SLC6A20: variants seen among roughly 807,000 people sequenced by gnomAD.
SLC6A20 encodes the protein solute carrier family 6 member 20, also known as sodium- and chloride-dependent transporter XTRP3.
Under a neutral mutation model 64.3 loss-of-function variants are expected in SLC6A20, and 73 were observed. The observed-to-expected ratio is 1.14, with a 90% CI of 0.94 to 1.38. The LOEUF (loss-of-function observed/expected upper bound fraction) is 1.38. Ranked by LOEUF, SLC6A20 falls within the 40% of genes most tolerant of loss-of-function variation. The pLI is 0.00. For synonymous variants in SLC6A20, 347 were observed against 329.6 expected (o/e 1.05, Z -0.57); for missense variants, 725 against 772.8 (o/e 0.94, Z 0.73).
chr3:45,788,839 T>C (rs1700207021), intron 1 of SLC6A20, among the ~76,000 whole-genome samples: 1 of 152,216 alleles, frequency 6.6e-6, no homozygotes, highest in African/African-American at 2.4e-5. Flanking sequence ...ATGAACTGCA[T>C]CCAACCAGTG....
At chr3:45,791,743 A>G (rs1484127052) in intron 1 of SLC6A20, 2 of 152,720 alleles carry the variant, frequency 1.3e-5, no homozygotes, top group Non-Finnish European at 2.9e-5. Context: ...AGCAGGAGGA[A>G]GAGAGAGAGT....
intron 1 of SLC6A20, among the ~76,000 whole-genome samples, chr3:45,792,011 A>G (rs1490963751): frequency 6.6e-6 from 1 of 152,228 alleles, no homozygotes; most frequent in African/African-American, 2.4e-5. Flanking sequence ...GAGAGGATGA[A>G]GAGCACACTG....
intron 1 of SLC6A20, among the ~76,000 whole-genome samples, chr3:45,791,137 C>T (rs1336013925): frequency 6.6e-6 from 1 of 152,186 alleles, no homozygotes; most frequent in East Asian, 1.9e-4. Flanking sequence ...GCTTGGTCCA[C>T]CCCCAACCCC....
rs374599715 is a variant in SLC6A20, at chr3:45,796,326, G to T, written c.94C>A (p.Pro32Thr). 80 of 1,612,044 alleles carry T rather than the reference G, an allele frequency of 5.0e-5. No homozygotes were observed. Among genetic ancestry groups the T allele is most frequent in the Non-Finnish European group, 6.5e-5 (77 of 1,179,346 alleles). Residue 32 changes from proline (P) to threonine (T), a missense_variant, in exon 1 of 11, where the codon CCG (proline) becomes ACG (threonine). Pro to Thr is a conservative substitution (Grantham distance 38, BLOSUM62 -1). Coordinates refer to ENST00000358525, the MANE Select transcript of SLC6A20 (RefSeq NM_020208.4). Reference sequence around the variant, plus strand: ...CCGCCGTACATCTGGCACAGGTACGGGAATCGCCACACGTTGCCCAGGCCC... The same window carrying T: ...CCGCCGTACATCTGGCACAGGTACGTGAATCGCCACACGTTGCCCAGGCCC... ...AVGLGNVWRF[P>T]YLCQMYGGGS...
At chr3:45,777,076 G>C (rs974067403) in intron 3 of SLC6A20, among the ~76,000 whole-genome samples, 2 of 152,176 alleles carry the variant, frequency 1.3e-5, no homozygotes, top group Non-Finnish European at 1.5e-5. Flanking sequence ...GCCCCACATT[G>C]ATCAGTTTTG....
rs1004590753 is a variant in SLC6A20, at chr3:45,773,382, G to A, written c.583-767C>T. On this transcript the variant is annotated intron_variant, in intron 4 of 10. Coordinates refer to ENST00000358525, the MANE Select transcript of SLC6A20 (RefSeq NM_020208.4). ...GTCAACCAGATCTTCTTTCTCCACCGACATGCATCGTAAGTTCAATGATGT... is the reference window on the plus strand; with the variant it reads ...GTCAACCAGATCTTCTTTCTCCACCAACATGCATCGTAAGTTCAATGATGT... Among the ~76,000 whole-genome samples, 14 of 152,282 alleles carry A rather than the reference G, an allele frequency of 9.2e-5. No individual in the cohort carries two copies. The Middle Eastern group carries it at 0.01, about 111-fold the overall frequency.
chr3:45,783,617 C>T (rs998781395), intron 1 of SLC6A20, among the ~76,000 whole-genome samples: 1 of 152,248 alleles, frequency 6.6e-6, no homozygotes, highest in Non-Finnish European at 1.5e-5. Flanking sequence ...GCCTGGTCCA[C>T]TTGTTTGTGT....
intron 7 of SLC6A20, among the ~76,000 whole-genome samples, chr3:45,768,908 C>G (rs1699816178): frequency 6.6e-6 from 1 of 151,976 alleles, no homozygotes; most frequent in Admixed American, 6.5e-5. Flanking sequence ...GCTAGAAGTC[C>G]TAGTGAATAC....
At chr3:45,781,584 G>A (rs749301062) in intron 2 of SLC6A20, among the ~76,000 whole-genome samples, 5 of 152,182 alleles carry the variant, frequency 3.3e-5, no homozygotes, top group Non-Finnish European at 7.3e-5. Context: ...GTCCGTGCGG[G>A]CCTCAGCTTC....
Position 45,765,541 on chromosome 3 carries a change from G to T in SLC6A20, c.1299C>A (p.Ile433=), listed in dbSNP as rs748221953. The T allele has an allele frequency of 2.9e-5, 46 of 1,612,390 alleles. 1 individual carries two copies. In the Middle Eastern group the frequency reaches 1.4e-3, roughly 48 times the overall value. Residue 433 remains isoleucine (I), a synonymous_variant, in exon 8 of 11, where the codon ATC becomes ATA. Transcript: ENST00000358525. This position sits in a 1 kb window ranked among gnomAD's most constrained non-coding sequence, Gnocchi z 4.2. ...CCACTGGCTGGCCCCGCTGACCTGA[G>T]ATGGCCTCCTTGGGCAGGTGGCTGG... ...IISSHLPKEA[I]SGLVCLVNCA...
intron 9 of SLC6A20, 21 bp from the exon 10 acceptor site, chr3:45,760,043 G>C: frequency 6.2e-7 from 1 of 1,601,160 alleles, no homozygotes; most frequent in Non-Finnish European, 8.5e-7. Context: ...AACAGGGAGA[G>C]AAAGTCTGGA....
At chr3:45,788,033 C>G (rs1700197645) in intron 1 of SLC6A20, among the ~76,000 whole-genome samples, 1 of 152,116 alleles carries the variant, frequency 6.6e-6, no homozygotes, top group African/African-American at 2.4e-5. Flanking sequence ...GCAGCCTCGA[C>G]CTCCCAGGCT....
At chr3:45,775,465 C>A (rs1485921574) in intron 4 of SLC6A20, among the ~76,000 whole-genome samples, 1 of 152,078 alleles carries the variant, frequency 6.6e-6, no homozygotes, top group Non-Finnish European at 1.5e-5. Flanking sequence ...GTCTGGTTGT[C>A]TGGGTGGTAT....
chr3:45,767,801 T>C lies in SLC6A20; in HGVS notation c.1099-2060A>G, dbSNP rs560908213. 1.1e-4 allele frequency among the ~76,000 whole-genome samples: 17 copies of C among 152,272 alleles called. No homozygotes were observed. In the South Asian group the frequency reaches 3.5e-3, roughly 32 times the overall value. ...GATCATGAGAAAGAGAAAAAGCTGC[T>C]TGCTTACAAAGAATAAAAGAAAATA... On this transcript the variant is annotated intron_variant, in intron 7 of 10. Transcript: ENST00000358525.
intron 7 of SLC6A20, among the ~76,000 whole-genome samples, chr3:45,766,152 C>A (rs1449328027): frequency 1.3e-5 from 2 of 152,210 alleles, no homozygotes; most frequent in Non-Finnish European, 2.9e-5. Flanking sequence ...AGGGAGACAG[C>A]TTGGTCAGCA....
At chr3:45,789,796 T>G (rs570618704) in intron 1 of SLC6A20, among the ~76,000 whole-genome samples, 8 of 152,322 alleles carry the variant, frequency 5.3e-5, no homozygotes, top group African/African-American at 1.9e-4. Flanking sequence ...CTCACTATAT[T>G]GCTCAGGCTG....
chr3:45,792,118 G>A (rs914135757), intron 1 of SLC6A20, among the ~76,000 whole-genome samples: 6 of 152,172 alleles, frequency 3.9e-5, no homozygotes, highest in South Asian at 2.1e-4. Context: ...GGTGGACATC[G>A]CACAGGCTCC....
At chr3:45,791,373 G>A (rs1700247708) in intron 1 of SLC6A20, among the ~76,000 whole-genome samples, 1 of 152,176 alleles carries the variant, frequency 6.6e-6, no homozygotes, top group African/African-American at 2.4e-5. Flanking sequence ...AGGATTTCTG[G>A]GGATAGGACA....
chr3:45,787,446 G>A (rs1418186924), intron 1 of SLC6A20, among the ~76,000 whole-genome samples: 5 of 152,116 alleles, frequency 3.3e-5, no homozygotes, highest in Non-Finnish European at 7.3e-5. Flanking sequence ...TGTGAATAAT[G>A]CTATAATTTT....
Sources: allele counts gnomAD v4.1 joint callset (sites outside exome capture counted in the v4.1 genomes callset), GRCh38; gene constraint gnomAD v4.1.1; non-coding constraint Gnocchi (gnomAD v3.1); transcripts MANE v1.5; gene names NCBI Gene and HGNC (gene_info 2026-07-23, HGNC 2026-07-21).